KLHL29: variants seen among roughly 807,000 people sequenced by gnomAD.
The protein encoded by KLHL29 is kelch like family member 29.
KLHL29 carries 21 observed loss-of-function variants against 80.4 expected under a neutral mutation model. That is an observed-to-expected ratio of 0.26 (90% CI 0.19 to 0.38). The LOEUF (loss-of-function observed/expected upper bound fraction) is 0.38. KLHL29 is among the 10% of genes least tolerant of loss of function. KLHL29 has a pLI of 1.00. For synonymous variants in KLHL29, 511 were observed against 526.8 expected (o/e 0.97, Z 0.41); for missense variants, 867 against 1,223.9 (o/e 0.71, Z 4.35).
In KLHL29 at chr2:23,548,332, GACAC is replaced by G. The variant is rs377208071; in HGVS notation, c.-45-13812_-45-13809del. Among the ~76,000 whole-genome samples, 948 of 149,924 alleles carry G rather than the reference GACAC, an allele frequency of 6.3e-3. 7 individuals are homozygous for G. Among genetic ancestry groups the G allele is most frequent in the African/African-American group, 0.022 (878 of 40,822 alleles). On this transcript the variant is annotated intron_variant, in intron 2 of 13. Transcript: ENST00000486442. ...ACACACACACAGACACAAGCACACA[GACAC>G]ACACACAGGCACACAGGCACACACA...
intron 2 of KLHL29, among the ~76,000 whole-genome samples, chr2:23,497,528 G>A (rs1665305704): frequency 6.6e-6 from 1 of 152,192 alleles, no homozygotes. Context: ...GCCGAGCACG[G>A]AGATCACAGA....
At position 23,553,186 on chromosome 2, in the gene KLHL29, T is replaced by C. The variant is rs906027183; in HGVS notation, c.-45-8966T>C. ...CCCTGCAGCAGATGCTGCTGGAAACTTCTGGCTGCAAAGCAACAGGACCTG... is the reference window on the plus strand; with the variant it reads ...CCCTGCAGCAGATGCTGCTGGAAACCTCTGGCTGCAAAGCAACAGGACCTG... On this transcript the variant is annotated intron_variant, in intron 2 of 13. Coordinates refer to ENST00000486442, the MANE Select transcript of KLHL29 (RefSeq NM_052920.2). Among the ~76,000 whole-genome samples, 5 of 152,208 alleles carry C rather than the reference T, an allele frequency of 3.3e-5. No individual in the cohort carries two copies. The East Asian group carries it at 9.6e-4, about 29-fold the overall frequency.
At chr2:23,436,539 A>C (rs1663348979) in intron 1 of KLHL29, among the ~76,000 whole-genome samples, 1 of 152,140 alleles carries the variant, frequency 6.6e-6, no homozygotes, top group Admixed American at 6.5e-5. Context: ...GCACAGATAA[A>C]AGCAGATGAG....
At chr2:23,486,166 T>G (rs1439201823) in intron 2 of KLHL29, among the ~76,000 whole-genome samples, 1 of 152,134 alleles carries the variant, frequency 6.6e-6, no homozygotes, top group East Asian at 1.9e-4. Context: ...ATTCCAGTTC[T>G]CCATAGGCCA....
At chr2:23,593,869 C>T (rs1387609199) in intron 3 of KLHL29, among the ~76,000 whole-genome samples, 2 of 152,198 alleles carry the variant, frequency 1.3e-5, no homozygotes, top group Admixed American at 6.5e-5. Flanking sequence ...CCAGGCGTGT[C>T]GCCTACGTGC....
chr2:23,548,702 G>A (rs569033386), intron 2 of KLHL29, among the ~76,000 whole-genome samples: 22 of 152,230 alleles, frequency 1.4e-4, no homozygotes, highest in Non-Finnish European at 2.8e-4. Context: ...GTGAGTGCGT[G>A]GCATGAGTGA....
intron 3 of KLHL29, among the ~76,000 whole-genome samples, chr2:23,633,987 G>A (rs1168204898): frequency 6.6e-6 from 1 of 152,180 alleles, no homozygotes; most frequent in East Asian, 1.9e-4. Flanking sequence ...TAACAGGGAT[G>A]GGAGCGAGAC....
chr2:23,432,952 C>T (rs1015712104), intron 1 of KLHL29, among the ~76,000 whole-genome samples: 1 of 152,012 alleles, frequency 6.6e-6, no homozygotes, highest in African/African-American at 2.4e-5. Flanking sequence ...ACAGGGGTTG[C>T]GAGTGGGGGA....
intron 1 of KLHL29, among the ~76,000 whole-genome samples, chr2:23,434,687 G>T (rs1173501406): frequency 6.6e-6 from 1 of 152,246 alleles, no homozygotes; most frequent in Non-Finnish European, 1.5e-5. Context: ...TGGGTCAGAT[G>T]AAGTGGCTTT....
At chr2:23,469,868 A>G (rs138240040) in intron 1 of KLHL29, among the ~76,000 whole-genome samples, 33 of 152,062 alleles carry the variant, frequency 2.2e-4, no homozygotes, top group African/African-American at 6.8e-4. Context: ...TGGAAATGCA[A>G]GGGTCATTCC....
chr2:23,551,375 C>T (rs1572395437), intron 2 of KLHL29, among the ~76,000 whole-genome samples: 1 of 152,120 alleles, frequency 6.6e-6, no homozygotes. Context: ...TCAAAACCCA[C>T]GGCCAGATTT....
In KLHL29 at chr2:23,693,340, T is replaced by C; in HGVS notation, c.1354T>C (p.Tyr452His). 4 of 1,551,486 alleles carry C rather than the reference T, an allele frequency of 2.6e-6. No homozygotes were observed. Among genetic ancestry groups the C allele is most frequent in the Non-Finnish European group, 2.6e-6 (3 of 1,146,964 alleles). Reference protein sequence around the residue: ...MAEAMQCSELYHMAKAFALQI... With the variant: ...MAEAMQCSELHHMAKAFALQI... ...CGAGGCCATGCAGTGCAGCGAGCTC[T>C]ACCACATGGCCAAGGCCTTCGCGCT... is the stretch of plus-strand genomic sequence containing the variant. Residue 452 changes from tyrosine to histidine, a missense_variant, in exon 8 of 14, where the codon TAC (tyrosine) becomes CAC (histidine). Transcript: ENST00000486442.
At chr2:23,395,521 C>T (rs1231479963) in intron 1 of KLHL29, among the ~76,000 whole-genome samples, 2 of 151,996 alleles carry the variant, frequency 1.3e-5, no homozygotes, top group South Asian at 2.1e-4. Context: ...CCGAGGTGGG[C>T]GGATCATGAA....
chr2:23,539,254 T>G (rs1469411810), intron 2 of KLHL29, among the ~76,000 whole-genome samples: 4 of 152,180 alleles, frequency 2.6e-5, no homozygotes, highest in African/African-American at 4.8e-5. Flanking sequence ...TTGGGAAGTA[T>G]GCAGTGTACT....
chr2:23,597,296 CATATA>C (rs796212069), intron 3 of KLHL29, among the ~76,000 whole-genome samples: 11 of 59,470 alleles, frequency 1.8e-4, no homozygotes, highest in Admixed American at 4.3e-4. Context: ...CTCTCTCTCT[CATATA>C]TATATATATG....
chr2:23,515,743 A>C (rs1300679672), intron 2 of KLHL29, among the ~76,000 whole-genome samples: 3 of 152,196 alleles, frequency 2.0e-5, no homozygotes, highest in Non-Finnish European at 4.4e-5. Context: ...AAATTGTATT[A>C]ATACACAATT....
intron 2 of KLHL29, chr2:23,524,390 G>GATCTACA: frequency 6.1e-6 from 1 of 162,714 alleles, no homozygotes; most frequent in Non-Finnish European, 1.3e-5. Context: ...CCTGCCCCGG[G>GATCTACA]CTCCCGGGAG....
At chr2:23,606,258 A>G (rs1322688935) in intron 3 of KLHL29, among the ~76,000 whole-genome samples, 1 of 151,682 alleles carries the variant, frequency 6.6e-6, no homozygotes, top group Non-Finnish European at 1.5e-5. Flanking sequence ...ATGAAAAGAG[A>G]TGATTGATTC....
chr2:23,548,907 A>G (rs1009587716), intron 2 of KLHL29, among the ~76,000 whole-genome samples: 2 of 152,070 alleles, frequency 1.3e-5, no homozygotes, highest in Non-Finnish European at 2.9e-5. Flanking sequence ...GAAGATCTGG[A>G]TTCTAATTCG....
Sources: gnomAD v4.1 joint callset for allele counts (sites outside exome capture counted in the v4.1 genomes callset) on GRCh38, gnomAD v4.1.1 for gene constraint, MANE v1.5 for transcripts, NCBI Gene and HGNC (gene_info 2026-07-23, HGNC 2026-07-21) for gene names.